DLGAP2: variants seen among roughly 807,000 people sequenced by gnomAD.
DLGAP2 encodes the protein disks large-associated protein 2.
DLGAP2 carries 26 observed loss-of-function variants against 100.3 expected under a neutral mutation model. The observed-to-expected ratio is 0.26, with a 90% CI of 0.19 to 0.36. The LOEUF (loss-of-function observed/expected upper bound fraction) is 0.36. DLGAP2 is among the 10% of genes least tolerant of loss of function. DLGAP2 has a pLI of 1.00. For synonymous variants in DLGAP2, 886 were observed against 630.1 expected, an observed-to-expected ratio of 1.41 and a Z score of -6.08; for missense variants, 1,858 against 1,453.2, an observed-to-expected ratio of 1.28 and a Z score of -4.53.
chr8:906,328 T>C (rs142156706), intron 1 of DLGAP2, among the ~76,000 whole-genome samples: 11 of 152,344 alleles, frequency 7.2e-5, no homozygotes, highest in African/African-American at 2.6e-4. Context: ...GTGTCTCTGA[T>C]CTCCACGTGG....
chr8:1,347,162 C>T (rs932028189), intron 3 of DLGAP2, among the ~76,000 whole-genome samples: 1 of 151,882 alleles, frequency 6.6e-6, no homozygotes, highest in African/African-American at 2.4e-5. Context: ...AGGTTGCGTT[C>T]CTGTACAGAG....
At chr8:1,595,118 G>A (rs1164884536) in intron 6 of DLGAP2, among the ~76,000 whole-genome samples, 3 of 151,774 alleles carry the variant, frequency 2.0e-5, no homozygotes, top group African/African-American at 7.3e-5. Flanking sequence ...TCAGCCCACT[G>A]CAGCCTCAAC....
At chr8:1,017,621 CTG>C (rs1168499169) in intron 2 of DLGAP2, among the ~76,000 whole-genome samples, 9 of 144,330 alleles carry the variant, frequency 6.2e-5, no homozygotes, top group South Asian at 2.1e-4. Context: ...GGCGCCTCCA[CTG>C]TGTGTGTGAC....
chr8:966,729 T>C (rs1563118704), intron 2 of DLGAP2, among the ~76,000 whole-genome samples: 1 of 152,236 alleles, frequency 6.6e-6, no homozygotes, highest in Non-Finnish European at 1.5e-5. Flanking sequence ...TTCAAACACA[T>C]AGAAGCAAAT....
At chr8:1,371,463 G>T (rs1802234798) in intron 3 of DLGAP2, among the ~76,000 whole-genome samples, 1 of 152,222 alleles carries the variant, frequency 6.6e-6, no homozygotes, top group Admixed American at 6.5e-5. Context: ...TCAGGCTGGT[G>T]CTCTGCCCAG....
chr8:744,465 A>G (rs903921291), intron 1 of DLGAP2, among the ~76,000 whole-genome samples: 5 of 151,688 alleles, frequency 3.3e-5, no homozygotes, highest in Admixed American at 6.6e-5. Context: ...CCCCAGCCCA[A>G]CCTGCGTCCC....
intron 2 of DLGAP2, among the ~76,000 whole-genome samples, chr8:1,074,537 C>T (rs988735309): frequency 6.6e-6 from 1 of 152,160 alleles, no homozygotes; most frequent in South Asian, 2.1e-4. Context: ...CCTTCACAGC[C>T]GAGGCTGCCC....
chr8:771,174 C>A (rs1585845391), intron 1 of DLGAP2, among the ~76,000 whole-genome samples: 1 of 152,162 alleles, frequency 6.6e-6, no homozygotes, highest in Non-Finnish European at 1.5e-5. Context: ...TTTCCATAAA[C>A]TCTAAACACT....
At chr8:1,173,537 C>G (rs1797178652) in intron 2 of DLGAP2, among the ~76,000 whole-genome samples, 2 of 152,290 alleles carry the variant, frequency 1.3e-5, no homozygotes, top group Admixed American at 1.3e-4. Context: ...GGGCTCCACC[C>G]AGTTGGAGCT....
rs189351964 is a variant in DLGAP2, at chr8:769,049, C to A, written c.18+31224C>A. ...GGATTGTTTCGAGTATTAGGTGAGA[C>A]AGTGCGTGCATGGTCAGGTGTGGTC... On this transcript the variant is annotated intron_variant, in intron 1 of 14. Transcript: ENST00000637795. Among the ~76,000 whole-genome samples the A allele has an allele frequency of 2.6e-5, 4 of 152,168 alleles. No individual in the cohort carries two copies. In the East Asian group the frequency reaches 5.8e-4, roughly 22 times the overall value.
chr8:998,781 C>G (rs1279403266), intron 2 of DLGAP2, among the ~76,000 whole-genome samples: 1 of 152,104 alleles, frequency 6.6e-6, no homozygotes. Context: ...CCTTTCTTTC[C>G]TTGGAGCTTG....
chr8:1,210,031 T>C (rs918237279), intron 2 of DLGAP2, among the ~76,000 whole-genome samples: 1 of 152,070 alleles, frequency 6.6e-6, no homozygotes, highest in Non-Finnish European at 1.5e-5. Context: ...TGCTCAGTCA[T>C]CCACCTCGCC....
At chr8:1,392,515 G>A (rs181876651) in intron 3 of DLGAP2, among the ~76,000 whole-genome samples, 45 of 152,332 alleles carry the variant, frequency 3.0e-4, no homozygotes, top group African/African-American at 9.4e-4. Flanking sequence ...CCTCATTGCC[G>A]AGTGTGAGAA....
At chr8:1,307,258 A>G (rs1278683869) in intron 3 of DLGAP2, among the ~76,000 whole-genome samples, 3 of 152,258 alleles carry the variant, frequency 2.0e-5, no homozygotes, top group Non-Finnish European at 4.4e-5. Flanking sequence ...CAAATGACCA[A>G]TAAGCACAGC....
chr8:1,495,139 C>A (rs1799506589), intron 3 of DLGAP2, among the ~76,000 whole-genome samples: 1 of 152,176 alleles, frequency 6.6e-6, no homozygotes, highest in South Asian at 2.1e-4. Context: ...AGACGGGGGC[C>A]AGCGTCAAGG....
Position 1,235,723 on chromosome 8 carries a change from C to T in DLGAP2, c.74-23128C>T, listed in dbSNP as rs1230888105. Among the ~76,000 whole-genome samples, 8 of 24,124 alleles carry T rather than the reference C, an allele frequency of 3.3e-4. 4 individuals carry two copies. Among genetic ancestry groups the T allele is most frequent in the Non-Finnish European group, 1.6e-4 (2 of 12,854 alleles). 15.8% of individuals were successfully genotyped at this position (24,124 alleles called of 152,430 possible). On this transcript the variant is annotated intron_variant, in intron 2 of 14. Transcript: ENST00000637795. ...CTCTCACATGGCGCCGTATCTAGTTCTCTCACATGGTGCCATATCTAGTTC... is the reference window on the plus strand; with the variant it reads ...CTCTCACATGGCGCCGTATCTAGTTTTCTCACATGGTGCCATATCTAGTTC...
At chr8:1,027,135 G>T (rs1362433113) in intron 2 of DLGAP2, among the ~76,000 whole-genome samples, 1 of 151,982 alleles carries the variant, frequency 6.6e-6, no homozygotes, top group Non-Finnish European at 1.5e-5. Flanking sequence ...TTACAGAAAA[G>T]GTATAAACAC....
intron 6 of DLGAP2, among the ~76,000 whole-genome samples, chr8:1,595,666 T>C (rs1384996971): frequency 4.4e-5 from 4 of 89,984 alleles, no homozygotes; most frequent in African/African-American, 9.2e-5. Flanking sequence ...AGAGCGAGAC[T>C]CCGTCTCAAA....
At chr8:1,352,639 G>GCTTATT (rs1801762065) in intron 3 of DLGAP2, among the ~76,000 whole-genome samples, 1 of 152,148 alleles carries the variant, frequency 6.6e-6, no homozygotes, top group Non-Finnish European at 1.5e-5. Flanking sequence ...TAAGCTTTGA[G>GCTTATT]GTAAAGACTC....
Sources: allele counts gnomAD v4.1 joint callset (sites outside exome capture counted in the v4.1 genomes callset), GRCh38; gene constraint gnomAD v4.1.1; transcripts MANE v1.5; gene names NCBI Gene and HGNC (gene_info 2026-07-23, HGNC 2026-07-21).